Variants in RAP2A observed in about 807,000 individuals in gnomAD.
RAP2A encodes ras-related protein Rap-2a.
Under a neutral mutation model 15.1 loss-of-function variants are expected in RAP2A, and 5 were observed. The observed-to-expected ratio is 0.33, with a 90% CI of 0.17 to 0.70. The LOEUF is 0.70. RAP2A is among the 30% of genes least tolerant of loss of function. The pLI, the probability that RAP2A is intolerant of heterozygous loss-of-function variation, is 0.68. For synonymous variants in RAP2A, 110 were observed against 99.7 expected, an observed-to-expected ratio of 1.10 and a Z score of -0.62; for missense variants, 111 against 240.3, an observed-to-expected ratio of 0.46 and a Z score of 3.56.
At chr13:97,456,801 G>A (rs945961694) in intron 1 of RAP2A, among the ~76,000 whole-genome samples, 2 of 149,642 alleles carry the variant, frequency 1.3e-5, no homozygotes, top group African/African-American at 5.0e-5. Context: ...GAGCTGGACT[G>A]TGGTTTTCTT....
At chr13:97,439,478 G>T (rs988613663) in intron 1 of RAP2A, among the ~76,000 whole-genome samples, 2 of 152,142 alleles carry the variant, frequency 1.3e-5, no homozygotes, top group Admixed American at 1.3e-4. Flanking sequence ...AAGAGGAAAA[G>T]GTCAGAAGTA....
chr13:97,444,165 A>T (rs569860368), intron 1 of RAP2A, among the ~76,000 whole-genome samples: 1 of 152,306 alleles, frequency 6.6e-6, no homozygotes, highest in South Asian at 2.1e-4. Flanking sequence ...CTCTAACACT[A>T]CGTTATAGAA....
rs1193974683 is a variant in RAP2A at position 97,447,971 on chromosome 13, G to GTT, written c.314+13200_314+13201dup. On this transcript the variant is annotated intron_variant, in intron 1 of 1. Transcript: ENST00000245304. ...TCCTTATACTACTCAGAGTTCTTGG[G>GTT]TTTTTTTTTTTTTTCTTTTTTCTTT... Among the ~76,000 whole-genome samples, 139 of 140,584 alleles carry GTT rather than the reference G, an allele frequency of 9.9e-4. 1 individual carries two copies. The highest frequency in any genetic ancestry group is 2.9e-3 in the African/African-American group (113 of 38,608). The allele number at this position is 140,584 out of a possible 152,430, so 92.2% of individuals were successfully genotyped here. A position where few individuals can be genotyped will look rare whatever the true frequency, so the allele number is the denominator to read the frequency against.
chr13:97,451,471 G>A (rs996825790), intron 1 of RAP2A, among the ~76,000 whole-genome samples: 1 of 152,022 alleles, frequency 6.6e-6, no homozygotes, highest in Non-Finnish European at 1.5e-5. Flanking sequence ...CATCCTCTAT[G>A]GGATTCATCC....
At chr13:97,462,411 T>A (rs2066751865) in intron 1 of RAP2A, among the ~76,000 whole-genome samples, 1 of 152,148 alleles carries the variant, frequency 6.6e-6, no homozygotes, top group Non-Finnish European at 1.5e-5. Flanking sequence ...AGAGTTTATA[T>A]GCAAAGTAGC....
chr13:97,456,396 T>C (rs2066723250), intron 1 of RAP2A, among the ~76,000 whole-genome samples: 1 of 152,220 alleles, frequency 6.6e-6, no homozygotes, highest in African/African-American at 2.4e-5. Flanking sequence ...GTAATTGTTT[T>C]TTGTGTTTTG....
Position 97,434,521 on chromosome 13 carries a change from C to T in RAP2A, c.51C>T (p.Ser17=), listed in dbSNP as rs1181948203. ...VVLGSGGVGK[S]ALTVQFVTGT... ...TGGGCTCGGGCGGGGTAGGCAAATCCGCCCTGACCGTGCAGTTCGTGACCG... is the reference window on the plus strand; with the variant it reads ...TGGGCTCGGGCGGGGTAGGCAAATCTGCCCTGACCGTGCAGTTCGTGACCG... The change falls in exon 1 of 2, where the codon TCC becomes TCT. Residue 17 remains serine, a synonymous_variant. Coordinates refer to ENST00000245304, the MANE Select transcript of RAP2A (RefSeq NM_021033.7). 6.2e-7 allele frequency: 1 copy of T among 1,613,664 alleles called. No individual in the cohort carries two copies. The highest frequency in any genetic ancestry group is 1.7e-5 in the Admixed American group (1 of 59,994).
intron 1 of RAP2A, chr13:97,437,312 T>C (rs2066638224): frequency 6.6e-6 from 1 of 152,194 alleles, no homozygotes; most frequent in Admixed American, 6.5e-5. Flanking sequence ...TTTCAAGTGC[T>C]CAGTAGCCGT....
chr13:97,439,379 C>T (rs991139755), intron 1 of RAP2A, among the ~76,000 whole-genome samples: 2 of 152,062 alleles, frequency 1.3e-5, no homozygotes, highest in Non-Finnish European at 2.9e-5. Context: ...GTGTGAAAAT[C>T]CTGAATTAGC....
chr13:97,454,391 C>T lies in RAP2A; in HGVS notation c.315-9814C>T, dbSNP rs74105470. Among the ~76,000 whole-genome samples the T allele has an allele frequency of 1.9e-3, 289 of 151,082 alleles. 10 individuals are homozygous for T. The highest frequency in any genetic ancestry group is 6.7e-3 in the African/African-American group (274 of 41,098). ...TTTCACCTGCTTATTTTTTTCTTCTCCCTCTTCTGCCTTCTTTCTGGTTAT... is the reference window on the plus strand; with the variant it reads ...TTTCACCTGCTTATTTTTTTCTTCTTCCTCTTCTGCCTTCTTTCTGGTTAT... On this transcript the variant is annotated intron_variant, in intron 1 of 1. Transcript: ENST00000245304.
At chr13:97,449,205 T>C (rs2066691995) in intron 1 of RAP2A, among the ~76,000 whole-genome samples, 1 of 152,188 alleles carries the variant, frequency 6.6e-6, no homozygotes, top group South Asian at 2.1e-4. Flanking sequence ...AGCTAGTCGC[T>C]GTAGATCTGC....
intron 1 of RAP2A, among the ~76,000 whole-genome samples, chr13:97,440,851 A>G (rs2066654790): frequency 1.3e-5 from 2 of 152,196 alleles, no homozygotes; most frequent in Non-Finnish European, 2.9e-5. Context: ...TAAGAACACA[A>G]CATAAGTTCT....
At chr13:97,462,483 T>C (rs1010071510) in intron 1 of RAP2A, among the ~76,000 whole-genome samples, 2 of 152,160 alleles carry the variant, frequency 1.3e-5, no homozygotes, top group African/African-American at 4.8e-5. Flanking sequence ...CTAGAGGCCA[T>C]GGGATGCACA....
intron 1 of RAP2A, 96 bp downstream of exon 1, chr13:97,434,880 T>TG (rs1044711830): frequency 6.6e-6 from 10 of 1,512,036 alleles, no homozygotes; most frequent in Admixed American, 6.0e-5. Flanking sequence ...AGGGGCTTTC[T>TG]GGGGGGTGGC....
intron 1 of RAP2A, among the ~76,000 whole-genome samples, chr13:97,438,200 C>G (rs767719622): frequency 6.6e-6 from 1 of 152,136 alleles, no homozygotes; most frequent in Non-Finnish European, 1.5e-5. Context: ...AGCCATGGTC[C>G]TGACATGAAG....
At chr13:97,461,984 ATATATTTATATATT>A (rs1162468807) in intron 1 of RAP2A, among the ~76,000 whole-genome samples, 12 of 144,204 alleles carry the variant, frequency 8.3e-5, no homozygotes, top group South Asian at 2.1e-4. Context: ...ATATATATAT[ATATATTTATATATT>A]TATATTTATA....
chr13:97,457,446 A>C (rs550908022), intron 1 of RAP2A, among the ~76,000 whole-genome samples: 1 of 152,176 alleles, frequency 6.6e-6, no homozygotes, highest in Non-Finnish European at 1.5e-5. Flanking sequence ...CTAGCCATTA[A>C]TACGATACAT....
At chr13:97,436,139 A>G (rs2066633334) in intron 1 of RAP2A, 2 of 152,200 alleles carry the variant, frequency 1.3e-5, no homozygotes, top group African/African-American at 4.8e-5. Flanking sequence ...TTAAATTCCA[A>G]ACTAGAATAA....
chr13:97,446,158 T>C (rs2066678589), intron 1 of RAP2A, among the ~76,000 whole-genome samples: 1 of 152,216 alleles, frequency 6.6e-6, no homozygotes, highest in African/African-American at 2.4e-5. Flanking sequence ...AGTTCAGGTC[T>C]ATGCTTGTTG....
Sources: allele counts gnomAD v4.1 joint callset (sites outside exome capture counted in the v4.1 genomes callset), GRCh38; gene constraint gnomAD v4.1.1; transcripts MANE v1.5; gene names NCBI Gene and HGNC (gene_info 2026-07-23, HGNC 2026-07-21).